Variants in EPG5 observed in about 807,000 individuals in gnomAD.
EPG5 encodes ectopic P granules protein 5 homolog.
Under a neutral mutation model 302.7 loss-of-function variants are expected in EPG5, and 159 were observed. The ratio of observed to expected loss-of-function variants is 0.53; its 90% confidence interval spans 0.46 to 0.60. The LOEUF (loss-of-function observed/expected upper bound fraction) is 0.60. Among genes scored for constraint, EPG5 ranks in the 20% least tolerant of loss-of-function variants. The pLI is 0.00. For missense variants in EPG5, 2,896 were observed against 3,092.4 expected, an observed-to-expected ratio of 0.94 and a Z score of 1.51; for synonymous variants, 1,158 against 1,136.8, an observed-to-expected ratio of 1.02 and a Z score of -0.37.
intron 23 of EPG5, among the ~76,000 whole-genome samples, chr18:45,909,544 T>G (rs1029436584): frequency 1.6e-4 from 25 of 152,226 alleles, no homozygotes; most frequent in African/African-American, 6.0e-4. Flanking sequence ...CCATTTTTAT[T>G]AAGTCTTATT....
intron 4 of EPG5, among the ~76,000 whole-genome samples, chr18:45,950,254 G>A (rs1266768620): frequency 6.6e-6 from 1 of 152,098 alleles, no homozygotes; most frequent in African/African-American, 2.4e-5. Context: ...AGATATCTTG[G>A]TGATATGGTT....
chr18:45,883,735 A>G (rs897081519), intron 30 of EPG5, among the ~76,000 whole-genome samples: 2 of 147,950 alleles, frequency 1.4e-5, no homozygotes, highest in African/African-American at 5.0e-5. Flanking sequence ...CTGGGATTAC[A>G]CATAGGAGCC....
intron 9 of EPG5, among the ~76,000 whole-genome samples, chr18:45,941,481 G>C (rs978852002): frequency 6.6e-6 from 1 of 152,168 alleles, no homozygotes; most frequent in South Asian, 2.1e-4. Flanking sequence ...CTGAAGGCAA[G>C]CCCTTATGGG....
chr18:45,876,201 G>T, intron 35 of EPG5, 35 bp downstream of exon 35: 1 of 1,466,584 alleles, frequency 6.8e-7, no homozygotes, highest in Admixed American at 1.7e-5. Context: ...AGGGAAAAAT[G>T]AAAACTAAGC....
intron 29 of EPG5, 37 bp from the exon 30 acceptor site, chr18:45,884,848 T>C: frequency 7.0e-7 from 1 of 1,435,632 alleles, no homozygotes; most frequent in Non-Finnish European, 9.2e-7. Flanking sequence ...CACCAGATTC[T>C]TCCCTCACAA....
At chr18:45,901,788 C>T (rs1405370353) in intron 25 of EPG5, among the ~76,000 whole-genome samples, 2 of 152,068 alleles carry the variant, frequency 1.3e-5, no homozygotes, top group Non-Finnish European at 2.9e-5. Flanking sequence ...CACACACACA[C>T]ACACACACAA....
chr18:45,845,308 G>A (rs1422050464), downstream of EPG5, among the ~76,000 whole-genome samples: 1 of 152,226 alleles, frequency 6.6e-6, no homozygotes, highest in Non-Finnish European at 1.5e-5. Flanking sequence ...GCAGTGAGAG[G>A]CTGTGGGAAG....
chr18:45,879,328 CA>C, intron 32 of EPG5, 114 bp from the exon 33 acceptor site: 4 of 692,506 alleles, frequency 5.8e-6, no homozygotes, highest in Non-Finnish European at 9.6e-6. Context: ...AAGAGAGTGG[CA>C]AAAATATAAA....
downstream of EPG5, among the ~76,000 whole-genome samples, chr18:45,847,097 C>A (rs1186652017): frequency 6.6e-6 from 1 of 152,180 alleles, no homozygotes; most frequent in East Asian, 1.9e-4. Flanking sequence ...TACCCCACTC[C>A]CAGAAAGGCC....
chr18:45,939,049 C>T (rs959891021), intron 10 of EPG5, among the ~76,000 whole-genome samples: 10 of 152,176 alleles, frequency 6.6e-5, no homozygotes, highest in Admixed American at 2.0e-4. Context: ...GAAGGGAGCA[C>T]GGGATGTGCA....
chr18:45,818,514 T>C, the EPG5 span, among the ~76,000 whole-genome samples: 20 of 152,216 alleles, frequency 1.3e-4, no homozygotes, highest in Non-Finnish European at 7.3e-5. Flanking sequence ...GCCAGTCTGA[T>C]AGGTGAAACA....
At chr18:45,857,043 T>A (rs1320692658) in intron 42 of EPG5, among the ~76,000 whole-genome samples, 1 of 152,008 alleles carries the variant, frequency 6.6e-6, no homozygotes, top group East Asian at 1.9e-4. Flanking sequence ...CTCAGCCTCC[T>A]GAGTAGCTGG....
At chr18:45,964,573 G>A (rs939301068) in intron 1 of EPG5, among the ~76,000 whole-genome samples, 11 of 152,024 alleles carry the variant, frequency 7.2e-5, no homozygotes, top group African/African-American at 2.7e-4. Flanking sequence ...TCGTTAAGTA[G>A]GTTTAGGGAT....
At chr18:45,846,931 C>A (rs146825182), downstream of EPG5, among the ~76,000 whole-genome samples, 800 of 152,226 alleles carry the variant, frequency 5.3e-3, 4 homozygotes, top group Middle Eastern at 0.02. Context: ...TCAGAGGGTC[C>A]CCACAAAGAT....
chr18:45,946,795 T>C (rs1386956824), intron 6 of EPG5, 27 bp from the exon 7 acceptor site: 1 of 1,585,336 alleles, frequency 6.3e-7, no homozygotes, highest in Non-Finnish European at 8.7e-7. Flanking sequence ...ATCACTCCCA[T>C]CACTTAGATG....
intron 20 of EPG5, among the ~76,000 whole-genome samples, chr18:45,914,668 G>C (rs903387299): frequency 4.6e-5 from 7 of 152,244 alleles, no homozygotes; most frequent in Non-Finnish European, 8.8e-5. Context: ...AAGGCACAGA[G>C]CTAACAAACG....
At position 45,932,110 on chromosome 18, in the gene EPG5, C is replaced by G. The variant is rs149765243; in HGVS notation, c.2258-1280G>C. Among the ~76,000 whole-genome samples the G allele has an allele frequency of 5.2e-3, 790 of 151,680 alleles. 6 individuals are homozygous for G. Among genetic ancestry groups the G allele is most frequent in the African/African-American group, 0.018 (735 of 41,372 alleles). ...AATAATGAAAATTGGCATGATCATT[C>G]TAACGTATATTGTGAAAGGATATTT... On this transcript the variant is annotated intron_variant, in intron 11 of 43. Transcript: ENST00000282041.
intron 10 of EPG5, 51 bp from the exon 11 acceptor site, chr18:45,935,017 A>C (rs2050487307): frequency 6.5e-7 from 1 of 1,529,234 alleles, no homozygotes; most frequent in Admixed American, 2.1e-5. Flanking sequence ...CATTACACTA[A>C]GAAAGTAGAC....
Position 45,899,505 on chromosome 18 carries a change from G to A in EPG5, c.4708C>T (p.Pro1570Ser), listed in dbSNP as rs2049556450. The A allele has an allele frequency of 2.5e-6, 4 of 1,614,128 alleles. No individual in the cohort carries two copies. Among genetic ancestry groups the A allele is most frequent in the East Asian group, 4.5e-5 (2 of 44,874 alleles). ...TCTTCACGATTCACATACTGCTTTGGCATTGTGTCTAACAGCTCACCATCC... is the reference window on the plus strand; with the variant it reads ...TCTTCACGATTCACATACTGCTTTGACATTGTGTCTAACAGCTCACCATCC... ...ALDGELLDTM[P>S]KQYVNREEQT... The change falls in exon 27 of 44, where the codon CCA (proline) becomes TCA (serine). Residue 1570 changes from proline to serine, a missense_variant. Transcript: ENST00000282041.
Sources: gnomAD v4.1 joint callset for allele counts (sites outside exome capture counted in the v4.1 genomes callset) on GRCh38, gnomAD v4.1.1 for gene constraint, MANE v1.5 for transcripts, NCBI Gene and HGNC (gene_info 2026-07-23, HGNC 2026-07-21) for gene names.